The following PDE9A variants were observed in gnomAD, a reference collection of about 807,000 sequenced individuals.
PDE9A encodes phosphodiesterase 9A.
A neutral mutation model predicts 87.4 loss-of-function variants in PDE9A; 60 were observed. The observed-to-expected ratio is 0.69, with a 90% confidence interval of 0.56 to 0.85. PDE9A has a LOEUF of 0.85. Ranked by LOEUF, PDE9A falls within the 40% of genes least tolerant of loss-of-function variation. The probability of loss-of-function intolerance (pLI) is 0.00; values close to 1 mark genes in which losing one functional copy is unlikely to be tolerated. For missense variants in PDE9A, 665 were observed against 779.0 expected (o/e 0.85, Z 1.74); for synonymous variants, 272 against 279.4 (o/e 0.97, Z 0.27).
rs1467586178 is a variant in PDE9A, at chr21:42,702,106, TAGAC to T, written c.262+3098_262+3101del. ...CCTGGGACCCTAACTACCTGAATGATAGACAGCCTGAGAGCGTCCCCTGACTCAC... is the reference window on the plus strand; with the variant it reads ...CCTGGGACCCTAACTACCTGAATGATAGCCTGAGAGCGTCCCCTGACTCAC... On this transcript the variant is annotated intron_variant, in intron 4 of 19. Transcript: ENST00000291539. The surrounding 1 kb of genome is among the most constrained non-coding windows in gnomAD (Gnocchi z 4.9). Among the ~76,000 whole-genome samples, 1 of 152,188 alleles carries T rather than the reference TAGAC, an allele frequency of 6.6e-6. No individual in the cohort carries two copies. The highest frequency in any genetic ancestry group is 1.5e-5 in the Non-Finnish European group (1 of 68,040).
chr21:42,697,550 A>G, intron 3 of PDE9A: 4 of 1,028,164 alleles, frequency 3.9e-6, no homozygotes, highest in Non-Finnish European at 6.2e-6. Flanking sequence ...GCAGTGTCTC[A>G]GTCTGTCTGA....
chr21:42,762,839 T>C lies in PDE9A; in HGVS notation c.1242+600T>C, dbSNP rs143233101. 2.7e-3 allele frequency among the ~76,000 whole-genome samples: 417 copies of C among 152,234 alleles called. 1 individual carries two copies. The highest frequency in any genetic ancestry group is 9.4e-3 in the African/African-American group (390 of 41,526). ...TCCCAAATAGCTGGGATTACAGGCA[T>C]GCGCCACCAAGCCGGCTAATTTTCG... On this transcript the variant is annotated intron_variant, in intron 14 of 19. Transcript: ENST00000291539.
intron 4 of PDE9A, among the ~76,000 whole-genome samples, chr21:42,719,161 G>C (rs1031471955): frequency 1.3e-5 from 2 of 151,678 alleles, no homozygotes; most frequent in Non-Finnish European, 1.5e-5. Context: ...CAAGGAACAG[G>C]GTAGTTTATA....
intron 18 of PDE9A, among the ~76,000 whole-genome samples, chr21:42,771,641 G>A (rs373878519): frequency 3.5e-4 from 53 of 152,194 alleles, no homozygotes; most frequent in African/African-American, 1.2e-3. Flanking sequence ...CTGCCTGGGC[G>A]CTCCTGAAGC....
chr21:42,708,555 T>G (rs985292246), intron 4 of PDE9A, among the ~76,000 whole-genome samples: 1 of 152,072 alleles, frequency 6.6e-6, no homozygotes, highest in African/African-American at 2.4e-5. Flanking sequence ...TTTGTTTTGT[T>G]TTTTGTTGTT....
intron 4 of PDE9A, among the ~76,000 whole-genome samples, chr21:42,717,985 T>C (rs1451683872): frequency 6.6e-6 from 1 of 151,560 alleles, no homozygotes; most frequent in Non-Finnish European, 1.5e-5. Flanking sequence ...AGTGGTGCGA[T>C]CTCGGCTCAC....
chr21:42,689,641 A>G (rs1216353179), intron 3 of PDE9A: 1 of 985,450 alleles, frequency 1.0e-6, no homozygotes. Context: ...GGCGGGAAAT[A>G]GGAGAAGCCC....
intron 8 of PDE9A, among the ~76,000 whole-genome samples, chr21:42,746,762 A>G (rs2053894307): frequency 6.6e-6 from 1 of 152,230 alleles, no homozygotes; most frequent in Non-Finnish European, 1.5e-5. Context: ...ATCAGCCCCC[A>G]GGTGCCTGTC....
At chr21:42,762,329 G>A (rs2055880588) in intron 14 of PDE9A, 90 bp downstream of exon 14, 2 of 1,396,484 alleles carry the variant, frequency 1.4e-6, no homozygotes, top group Non-Finnish European at 9.9e-7. Flanking sequence ...GCTCCCAGAA[G>A]CTCCTGGCCA....
chr21:42,758,743 G>A, intron 10 of PDE9A: 1 of 446,050 alleles, frequency 2.2e-6, no homozygotes, highest in Non-Finnish European at 4.1e-6. Context: ...CACGCCCCAG[G>A]ATCCACCTGC....
At chr21:42,658,643 C>G (rs1285043136) in intron 1 of PDE9A, among the ~76,000 whole-genome samples, 1 of 152,254 alleles carries the variant, frequency 6.6e-6, no homozygotes, top group African/African-American at 2.4e-5. Flanking sequence ...CGTCCCCCGG[C>G]CACACTGACT....
Position 42,753,994 on chromosome 21 carries a change from T to G in PDE9A, c.740T>G (p.Leu247Arg). The change falls in exon 10 of 20, where the codon CTG becomes CGG. Residue 247 changes from leucine (L) to arginine (R), a missense_variant. Leu to Arg is a moderately radical substitution (Grantham distance 102). Coordinates refer to ENST00000291539, the MANE Select transcript of PDE9A (RefSeq NM_002606.3). Reference sequence around the variant, plus strand: ...CGGAACTCCTGTCCTTTCTAGTACCTGCTCTCTCCAGAGACCATCGAGGCC... The same window carrying G: ...CGGAACTCCTGTCCTTTCTAGTACCGGCTCTCTCCAGAGACCATCGAGGCC... ...RRDVPTYPKY[L>R]LSPETIEALR... is the part of the protein sequence containing the mutation. 1 of 1,610,356 alleles carries G rather than the reference T, an allele frequency of 6.2e-7. No individual in the cohort carries two copies. Among genetic ancestry groups the G allele is most frequent in the Non-Finnish European group, 8.5e-7 (1 of 1,176,988 alleles).
At chr21:42,666,792 GACAC>G (rs1485622766) in intron 1 of PDE9A, among the ~76,000 whole-genome samples, 2 of 152,230 alleles carry the variant, frequency 1.3e-5, no homozygotes, top group African/African-American at 4.8e-5. Context: ...ATTTTGACGG[GACAC>G]AGTTCAGTCC....
chr21:42,761,656 A>G (rs978742385), intron 13 of PDE9A, among the ~76,000 whole-genome samples: 2 of 152,050 alleles, frequency 1.3e-5, no homozygotes, highest in African/African-American at 4.8e-5. Context: ...CACCATGCAC[A>G]CCCATCTGTT....
intron 4 of PDE9A, among the ~76,000 whole-genome samples, chr21:42,725,429 G>A (rs1458609001): frequency 6.6e-6 from 1 of 152,000 alleles, no homozygotes; most frequent in Non-Finnish European, 1.5e-5. Flanking sequence ...AGTACAGACG[G>A]GGTTTCTCCA....
intron 7 of PDE9A, chr21:42,733,642 T>C (rs899557664): frequency 2.3e-5 from 13 of 566,216 alleles, no homozygotes; most frequent in Middle Eastern, 4.1e-4. Flanking sequence ...CAGCTCATGG[T>C]ATAAAGCATT....
In PDE9A at chr21:42,733,388, T is replaced by C. The variant is rs778913832; in HGVS notation, c.530T>C (p.Val177Ala). The change falls in exon 7 of 20, where the codon GTT becomes GCT. Residue 177 changes from valine to alanine, a missense_variant. Coordinates refer to ENST00000291539, the MANE Select transcript of PDE9A (RefSeq NM_002606.3). ...AFKINELKAE[V>A]ANHLAVLEKR... ...AAAATCAATGAACTGAAAGCTGAAG[T>C]TGCAAATCACTTGGCTGTCCTAGAG... 6.2e-7 allele frequency: 1 copy of C among 1,605,098 alleles called. No individual in the cohort carries two copies. The highest frequency in any genetic ancestry group is 1.7e-5 in the Admixed American group (1 of 60,002).
chr21:42,712,736 T>G (rs1007849367), intron 4 of PDE9A, among the ~76,000 whole-genome samples: 1 of 152,194 alleles, frequency 6.6e-6, no homozygotes, highest in Non-Finnish European at 1.5e-5. Flanking sequence ...TTTGACAAAA[T>G]TCTTTGTTAA....
chr21:42,698,925 C>A (rs561560247), intron 3 of PDE9A, 43 bp from the exon 4 acceptor site: 1 of 1,445,846 alleles, frequency 6.9e-7, no homozygotes, highest in Non-Finnish European at 9.7e-7. Flanking sequence ...ATACAGCGAG[C>A]GCCTTGCAGA....
Sources: allele counts gnomAD v4.1 joint callset (sites outside exome capture counted in the v4.1 genomes callset), GRCh38; gene constraint gnomAD v4.1.1; non-coding constraint Gnocchi (gnomAD v3.1); transcripts MANE v1.5; gene names NCBI Gene and HGNC (gene_info 2026-07-23, HGNC 2026-07-21).